Variants in ATP2A2 observed in about 807,000 individuals in gnomAD.
ATP2A2 encodes ATPase sarcoplasmic/endoplasmic reticulum Ca2+ transporting 2, also known as sarcoplasmic/endoplasmic reticulum calcium ATPase 2.
Under a neutral mutation model 109.3 loss-of-function variants are expected in ATP2A2, and 14 were observed. That is an observed-to-expected ratio of 0.13 (90% CI 0.08 to 0.20). The LOEUF (loss-of-function observed/expected upper bound fraction) is 0.20, where lower values mean the gene tolerates loss of function less well. ATP2A2 is among the 10% of genes least tolerant of loss of function. The pLI is 1.00. For synonymous variants in ATP2A2, 506 were observed against 490.9 expected (o/e 1.03, Z -0.41); for missense variants, 657 against 1,321.6 (o/e 0.50, Z 7.80).
Position 110,350,284 on chromosome 12 carries a change from C to A in ATP2A2, c.*3814C>A, listed in dbSNP as rs1019037263. The stretch of plus-strand genomic sequence containing the variant: ...ATGAAGCTGATTTCCTCTCTCTTTC[C>A]TTTTCAGCAATACTGGAGTAACCGC... On this transcript the variant is annotated 3_prime_UTR_variant, in exon 20 of 20. Transcript: ENST00000539276. 1.9e-6 allele frequency: 3 copies of A among 1,614,060 alleles called. No homozygotes were observed. The highest frequency in any genetic ancestry group is 3.3e-5 in the Admixed American group (2 of 59,998).
chr12:110,328,438 G>T (rs1251776208), intron 8 of ATP2A2, among the ~76,000 whole-genome samples: 1 of 152,086 alleles, frequency 6.6e-6, no homozygotes, highest in African/African-American at 2.4e-5. Flanking sequence ...GAGTGGTGGC[G>T]TGCACCTGTA....
intron 5 of ATP2A2, among the ~76,000 whole-genome samples, chr12:110,304,656 C>T (rs1875066453): frequency 6.6e-6 from 1 of 152,088 alleles, no homozygotes; most frequent in African/African-American, 2.4e-5. Flanking sequence ...ACATATCCTG[C>T]CTTATGAGGT....
chr12:110,283,439 G>T (rs1436013925), intron 3 of ATP2A2, among the ~76,000 whole-genome samples: 1 of 152,198 alleles, frequency 6.6e-6, no homozygotes, highest in Non-Finnish European at 1.5e-5. Flanking sequence ...TTCTTGTTCT[G>T]TGTGTGCTTA....
At chr12:110,299,367 G>A (rs1874308197) in intron 5 of ATP2A2, among the ~76,000 whole-genome samples, 1 of 152,156 alleles carries the variant, frequency 6.6e-6, no homozygotes, top group Non-Finnish European at 1.5e-5. Flanking sequence ...GATATAGGGA[G>A]GCTATTTTAG....
chr12:110,327,438 T>G lies in ATP2A2; in HGVS notation c.631-115T>G. 1 of 949,438 alleles carries G rather than the reference T, an allele frequency of 1.1e-6. No homozygotes were observed. The highest frequency in any genetic ancestry group is 1.7e-6 in the Non-Finnish European group (1 of 576,340). The allele number at this position is 949,438 out of a possible 1,614,324, so 58.8% of individuals were successfully genotyped here. On this transcript the variant is annotated intron_variant, in intron 7 of 19. Transcript: ENST00000539276. The surrounding 1 kb of genome is among the most constrained non-coding windows in gnomAD (Gnocchi z 4.4). ...GGCTGGTTGCTTGAACAGTAGCCAG[T>G]GGAAGACCTAGTAGAATGTGTAGAG... is the stretch of plus-strand genomic sequence containing the variant.
In ATP2A2 at chr12:110,296,471, T is replaced by C. The variant is rs1011477062; in HGVS notation, c.325-128T>C. The C allele has an allele frequency of 3.3e-6, 4 of 1,221,254 alleles. No individual in the cohort carries two copies. In the Admixed American group the frequency reaches 5.3e-5, roughly 16 times the overall value. The allele number at this position is 1,221,254 out of a possible 1,614,324, so 75.7% of individuals were successfully genotyped here. On this transcript the variant is annotated intron_variant, in intron 4 of 19. Coordinates refer to ENST00000539276, the MANE Select transcript of ATP2A2 (RefSeq NM_170665.4). ...TCTGTTGCCTTAGATGTGAATTGTT[T>C]AGTACAAATGTTACTGGTGGGCTTC...
chr12:110,306,707 C>A (rs756887336), intron 5 of ATP2A2, among the ~76,000 whole-genome samples: 2 of 152,076 alleles, frequency 1.3e-5, no homozygotes, highest in African/African-American at 4.8e-5. Flanking sequence ...TGCATGGCTG[C>A]GTAGTATCAC....
At chr12:110,293,138 C>A (rs1186720872) in intron 4 of ATP2A2, among the ~76,000 whole-genome samples, 1 of 151,608 alleles carries the variant, frequency 6.6e-6, no homozygotes, top group Non-Finnish European at 1.5e-5. Flanking sequence ...AGTGCAGTGG[C>A]ACGATCTCGG....
intron 11 of ATP2A2, among the ~76,000 whole-genome samples, chr12:110,338,914 G>C (rs1178674313): frequency 6.6e-6 from 1 of 152,184 alleles, no homozygotes; most frequent in African/African-American, 2.4e-5. Flanking sequence ...TTGCCAGGTT[G>C]CACTTCCGTT....
intron 4 of ATP2A2, among the ~76,000 whole-genome samples, chr12:110,293,304 G>C (rs1030820198): frequency 6.7e-6 from 1 of 149,998 alleles, no homozygotes; most frequent in Admixed American, 6.6e-5. Flanking sequence ...CCCTGACCTC[G>C]TGATCCACCC....
intron 18 of ATP2A2, 76 bp downstream of exon 18, chr12:110,345,458 T>A: frequency 6.3e-7 from 1 of 1,586,724 alleles, no homozygotes; most frequent in Non-Finnish European, 8.7e-7. Context: ...GTAGTCACGG[T>A]TGATTGAGGA....
chr12:110,294,323 G>GCT (rs1873724958), intron 4 of ATP2A2, among the ~76,000 whole-genome samples: 1 of 152,150 alleles, frequency 6.6e-6, no homozygotes, highest in South Asian at 2.1e-4. Context: ...GATTACAAGT[G>GCT]TGAGCCACTG....
At chr12:110,287,517 A>G (rs1217661050) in intron 3 of ATP2A2, among the ~76,000 whole-genome samples, 3 of 152,214 alleles carry the variant, frequency 2.0e-5, no homozygotes, top group Non-Finnish European at 4.4e-5. Context: ...ATTTAGCACA[A>G]AGCAAAGGGA....
rs760818955 is a variant in ATP2A2, at chr12:110,282,736, A to C, written c.160A>C (p.Ile54Leu). 19 of 1,614,038 alleles carry C rather than the reference A, an allele frequency of 1.2e-5. No individual in the cohort carries two copies. The highest frequency in any genetic ancestry group is 1.4e-5 in the Non-Finnish European group (16 of 1,180,024). ...AGGAAAAACCTTGCTGGAACTTGTG[A>C]TTGAGCAGTTTGAAGACTTGCTAGT... ...EEGKTLLELV[I>L]EQFEDLLVRI... The change falls in exon 3 of 20, where the codon ATT becomes CTT. Residue 54 changes from isoleucine (I) to leucine (L), a missense_variant. This residue lies in a region of ATP2A2 where 64 missense variants were observed against 65.4 expected (regional missense o/e 0.98). Coordinates refer to ENST00000539276, the MANE Select transcript of ATP2A2 (RefSeq NM_170665.4).
At chr12:110,307,246 T>C (rs1323612473) in intron 5 of ATP2A2, among the ~76,000 whole-genome samples, 2 of 150,344 alleles carry the variant, frequency 1.3e-5, no homozygotes, top group African/African-American at 2.4e-5. Context: ...TTTTCTTTTT[T>C]TTTGAGGCAG....
intron 8 of ATP2A2, among the ~76,000 whole-genome samples, chr12:110,329,111 G>T (rs1424223445): frequency 6.6e-6 from 1 of 152,198 alleles, no homozygotes; most frequent in Non-Finnish European, 1.5e-5. Flanking sequence ...AAATGGTTCA[G>T]TACTTGCATA....
intron 3 of ATP2A2, among the ~76,000 whole-genome samples, chr12:110,287,421 G>C (rs1327915701): frequency 3.3e-5 from 5 of 152,126 alleles, no homozygotes; most frequent in Admixed American, 6.6e-5. Context: ...GTGTTCATTA[G>C]CAAGTGGTTA....
At chr12:110,288,404 CTT>C (rs796752514) in intron 3 of ATP2A2, among the ~76,000 whole-genome samples, 1 of 145,028 alleles carries the variant, frequency 6.9e-6, no homozygotes, top group Admixed American at 6.9e-5. Context: ...ACAGATAATT[CTT>C]TTTTTTTTTT....
In ATP2A2 at chr12:110,346,194, G is replaced by A; in HGVS notation, c.2860-7G>A. 6.2e-7 allele frequency: 1 copy of A among 1,614,200 alleles called. No individual in the cohort carries two copies. On this transcript the variant is annotated splice_polypyrimidine_tract_variant and splice_region_variant and intron_variant, in intron 19 of 19. Coordinates refer to ENST00000539276, the MANE Select transcript of ATP2A2 (RefSeq NM_170665.4). Reference sequence around the variant, plus strand: ...TGGAGGCGTGACACGTCTTCCCTGTGTGTCAGCTCATCTTCCAGATCACAC... The same window carrying A: ...TGGAGGCGTGACACGTCTTCCCTGTATGTCAGCTCATCTTCCAGATCACAC...
Sources: allele counts gnomAD v4.1 joint callset (sites outside exome capture counted in the v4.1 genomes callset), GRCh38; gene constraint gnomAD v4.1.1; regional missense constraint gnomAD v4.1.1; non-coding constraint Gnocchi (gnomAD v3.1); transcripts MANE v1.5; gene names NCBI Gene and HGNC (gene_info 2026-07-23, HGNC 2026-07-21).